The following PCGF5 variants were observed in gnomAD, a reference collection of about 807,000 sequenced individuals.
PCGF5 encodes the protein polycomb group RING finger protein 5.
Under a neutral mutation model 44.3 loss-of-function variants are expected in PCGF5, and 9 were observed. The ratio of observed to expected loss-of-function variants is 0.20; its 90% CI spans 0.12 to 0.35. PCGF5 has a LOEUF of 0.35. Among genes scored for constraint, PCGF5 ranks in the 10% least tolerant of loss-of-function variants. The probability of loss-of-function intolerance (pLI) is 1.00; values close to 1 mark genes in which losing one functional copy is unlikely to be tolerated. For missense variants in PCGF5, 146 were observed against 305.3 expected (o/e 0.48, Z 3.89); for synonymous variants, 95 against 102.5 (o/e 0.93, Z 0.44).
chr10:91,188,235 G>C (rs1055838319), intron 1 of PCGF5, among the ~76,000 whole-genome samples: 1 of 152,208 alleles, frequency 6.6e-6, no homozygotes, highest in Admixed American at 6.5e-5. Flanking sequence ...CACCATGCGC[G>C]AGCTGAAGCA....
chr10:91,231,118 G>A (rs1006412068), intron 2 of PCGF5, among the ~76,000 whole-genome samples: 6 of 152,158 alleles, frequency 3.9e-5, no homozygotes, highest in African/African-American at 1.2e-4. Flanking sequence ...AGTTGAAAAT[G>A]TAAGCTTCTT....
chr10:91,157,092 T>C, the PCGF5 span, among the ~76,000 whole-genome samples: 4 of 152,184 alleles, frequency 2.6e-5, no homozygotes, highest in Non-Finnish European at 5.9e-5. Flanking sequence ...TGTTATAGGG[T>C]TGATGTGACA....
At chr10:91,188,035 G>A (rs1227615231) in intron 1 of PCGF5, among the ~76,000 whole-genome samples, 1 of 151,918 alleles carries the variant, frequency 6.6e-6, no homozygotes, top group Non-Finnish European at 1.5e-5. Context: ...GTGCAGGTTA[G>A]TTACATATGT....
At chr10:91,191,500 GA>G (rs1247068821) in intron 1 of PCGF5, among the ~76,000 whole-genome samples, 11 of 152,210 alleles carry the variant, frequency 7.2e-5, no homozygotes, top group Non-Finnish European at 1.5e-5. Context: ...GACTGAAGTT[GA>G]CCATGGGTAA....
intron 9 of PCGF5, among the ~76,000 whole-genome samples, chr10:91,278,021 T>C (rs954836180): frequency 3.7e-4 from 56 of 152,190 alleles, no homozygotes; most frequent in African/African-American, 1.3e-3. Flanking sequence ...ATATACAACC[T>C]GTATGATGTC....
intron 8 of PCGF5, among the ~76,000 whole-genome samples, chr10:91,268,036 T>G (rs566647969): frequency 4.6e-5 from 7 of 152,316 alleles, no homozygotes; most frequent in African/African-American, 1.7e-4. Context: ...GTATTGAATA[T>G]TGAATAATCC....
chr10:91,248,396 A>G (rs965682697), intron 3 of PCGF5, 109 bp from the exon 4 acceptor site: 8 of 1,026,010 alleles, frequency 7.8e-6, no homozygotes, highest in Non-Finnish European at 1.2e-5. Flanking sequence ...GATGTGCTAA[A>G]ATTGTGTATG....
At chr10:91,235,118 A>G (rs1315593090) in intron 2 of PCGF5, among the ~76,000 whole-genome samples, 1 of 152,080 alleles carries the variant, frequency 6.6e-6, no homozygotes. Flanking sequence ...CCCTTGGCCA[A>G]TGTTTCCGAG....
intron 6 of PCGF5, among the ~76,000 whole-genome samples, chr10:91,256,421 A>G (rs1845754637): frequency 6.6e-6 from 1 of 152,046 alleles, no homozygotes; most frequent in South Asian, 2.1e-4. Flanking sequence ...AATGAAGAAA[A>G]ATGAACAGGT....
At position 91,203,237 on chromosome 10, in the gene PCGF5, A is replaced by T. The variant is rs147839557; in HGVS notation, c.-183-19452A>T. On this transcript the variant is annotated intron_variant, in intron 1 of 9. Coordinates refer to the PCGF5 transcript ENST00000614189. ...GCATATTAAAATGTTTAGGAAAATT[A>T]TCCAACATTTGGGAATAAGGCACAG... is the stretch of plus-strand genomic sequence containing the variant. Among the ~76,000 whole-genome samples the T allele has an allele frequency of 4.3e-4, 65 of 152,324 alleles. 1 individual carries two copies. The East Asian group carries it at 0.011, about 27-fold the overall frequency.
chr10:91,188,439 T>G lies in PCGF5; in HGVS notation c.-184+25358T>G, dbSNP rs144540770. Among the ~76,000 whole-genome samples, 660 of 152,314 alleles carry G rather than the reference T, an allele frequency of 4.3e-3. 9 individuals are homozygous for G. The highest frequency in any genetic ancestry group is 0.015 in the African/African-American group (643 of 41,548). On this transcript the variant is annotated intron_variant, in intron 1 of 9. Coordinates refer to the PCGF5 transcript ENST00000614189. Reference sequence around the variant, plus strand: ...AAGACCCTAGAAGCAGAAAATACAATTTTATGTATATTAAAATTATGCTAA... The same window carrying G: ...AAGACCCTAGAAGCAGAAAATACAAGTTTATGTATATTAAAATTATGCTAA...
upstream of PCGF5, among the ~76,000 whole-genome samples, chr10:91,162,285 G>A (rs371342848): frequency 1.6e-5 from 2 of 121,888 alleles, no homozygotes; most frequent in Non-Finnish European, 3.3e-5. Context: ...AGGGCGGCAA[G>A]GTCACTTCTG....
chr10:91,247,004 TA>T (rs1845482977), intron 3 of PCGF5, among the ~76,000 whole-genome samples: 2 of 148,968 alleles, frequency 1.3e-5, no homozygotes, highest in African/African-American at 5.0e-5. Context: ...GATAGATAGA[TA>T]GATAGATAGA....
At chr10:91,225,244 TGATATATATCGTATATATGTATATAC>T (rs1844792208) in intron 2 of PCGF5, among the ~76,000 whole-genome samples, 1 of 147,396 alleles carries the variant, frequency 6.8e-6, no homozygotes, top group South Asian at 2.1e-4. Context: ...TATGTATATA[TGATATATATCGTATATATGTATATAC>T]GATATATATC....
At chr10:91,264,548 G>T in intron 8 of PCGF5, 28 bp downstream of exon 8, 1 of 1,487,840 alleles carries the variant, frequency 6.7e-7, no homozygotes, top group Non-Finnish European at 9.2e-7. Context: ...TTACCTATGT[G>T]TTTATTTAGT....
chr10:91,251,266 A>C, intron 5 of PCGF5, 26 bp from the exon 6 acceptor site: 4 of 1,562,130 alleles, frequency 2.6e-6, no homozygotes, highest in Non-Finnish European at 2.6e-6. Context: ...ATTTATAGCT[A>C]ACTTAGTTTT....
At chr10:91,156,592 A>G in the PCGF5 span, among the ~76,000 whole-genome samples, 1 of 152,194 alleles carries the variant, frequency 6.6e-6, no homozygotes, top group Non-Finnish European at 1.5e-5. Flanking sequence ...GCCTGTCACT[A>G]TGAACTATGC....
At chr10:91,212,536 T>A (rs1419511968) in intron 1 of PCGF5, among the ~76,000 whole-genome samples, 1 of 152,256 alleles carries the variant, frequency 6.6e-6, no homozygotes, top group Non-Finnish European at 1.5e-5. Context: ...TCTTGATTAA[T>A]ATTTTATATT....
intron 1 of PCGF5, among the ~76,000 whole-genome samples, chr10:91,210,234 C>G (rs1017404168): frequency 2.0e-5 from 3 of 152,190 alleles, no homozygotes; most frequent in Non-Finnish European, 1.5e-5. Flanking sequence ...GATCCTTTTT[C>G]TGCCAGAGAG....
Sources: allele counts gnomAD v4.1 joint callset (sites outside exome capture counted in the v4.1 genomes callset), GRCh38; gene constraint gnomAD v4.1.1; transcripts MANE v1.5; gene names NCBI Gene and HGNC (gene_info 2026-07-23, HGNC 2026-07-21).